The following ST6GALNAC5 variants were observed in gnomAD, a reference collection of about 807,000 sequenced individuals.
The protein encoded by ST6GALNAC5 is ST6 N-acetylgalactosaminide alpha-2,6-sialyltransferase 5, also known as alpha-N-acetylgalactosaminide alpha-2,6-sialyltransferase 5.
ST6GALNAC5 carries 27 observed loss-of-function variants against 33.6 expected under a neutral mutation model. The ratio of observed to expected loss-of-function variants is 0.80; its 90% CI spans 0.59 to 1.11. The LOEUF (loss-of-function observed/expected upper bound fraction) is 1.11, where lower values mean the gene tolerates loss of function less well. ST6GALNAC5 is among the 50% of genes least tolerant of loss of function. The pLI is 0.00. For synonymous variants in ST6GALNAC5, 194 were observed against 171.2 expected, an observed-to-expected ratio of 1.13 and a Z score of -1.04; for missense variants, 428 against 454.0, an observed-to-expected ratio of 0.94 and a Z score of 0.52.
intron 2 of ST6GALNAC5, among the ~76,000 whole-genome samples, chr1:76,975,732 G>A (rs1648983190): frequency 6.6e-6 from 1 of 152,170 alleles, no homozygotes; most frequent in Non-Finnish European, 1.5e-5. Flanking sequence ...TTAAATGATA[G>A]TGTTTAGGAA....
intron 2 of ST6GALNAC5, among the ~76,000 whole-genome samples, chr1:77,016,497 T>A (rs1488552615): frequency 6.6e-6 from 1 of 151,942 alleles, no homozygotes; most frequent in Non-Finnish European, 1.5e-5. Context: ...AAGTGCACAA[T>A]GGTCATTGCA....
intron 2 of ST6GALNAC5, among the ~76,000 whole-genome samples, chr1:76,896,490 G>A (rs1557713396): frequency 6.6e-6 from 1 of 152,178 alleles, no homozygotes; most frequent in Non-Finnish European, 1.5e-5. Flanking sequence ...CTATAGCATA[G>A]CCTGCCTTTG....
Position 76,868,586 on chromosome 1 carries a change from GC to G in ST6GALNAC5, c.110del (p.Pro37ArgfsTer53). The G allele has an allele frequency of 6.2e-7, 1 of 1,611,884 alleles. No homozygotes were observed. Among genetic ancestry groups the G allele is most frequent in the Non-Finnish European group, 8.5e-7 (1 of 1,179,516 alleles). ...GCAGCCTCGGCGGCCAGAAGGAGCG[GC>G]CCCCGCAGCAGCAGCAGCAGCAGCA... ...YSSLGGQKER[P>X]PQQQQQQQQQ... On this transcript the variant is annotated frameshift_variant, in exon 2 of 5. Transcript: ENST00000477717. LOFTEE classifies it high-confidence loss of function. The surrounding 1 kb of genome is among the most constrained non-coding windows in gnomAD (Gnocchi z 4.3).
At chr1:76,923,480 G>A (rs1204830212) in intron 2 of ST6GALNAC5, among the ~76,000 whole-genome samples, 1 of 151,996 alleles carries the variant, frequency 6.6e-6, no homozygotes, top group Non-Finnish European at 1.5e-5. Context: ...ATCACTTGAG[G>A]TCAGGAGTTC....
At chr1:76,970,807 G>A (rs1158194837) in intron 2 of ST6GALNAC5, among the ~76,000 whole-genome samples, 4 of 152,126 alleles carry the variant, frequency 2.6e-5, no homozygotes, top group Non-Finnish European at 2.9e-5. Context: ...AGAATCATGT[G>A]TTGCATGTAG....
At chr1:77,033,781 A>T (rs1651549195) in intron 2 of ST6GALNAC5, among the ~76,000 whole-genome samples, 1 of 152,190 alleles carries the variant, frequency 6.6e-6, no homozygotes, top group Non-Finnish European at 1.5e-5. Flanking sequence ...AGGAGAGGGA[A>T]ATCAGCCAGG....
intron 2 of ST6GALNAC5, among the ~76,000 whole-genome samples, chr1:76,966,809 G>C (rs1452508501): frequency 6.6e-6 from 1 of 152,178 alleles, no homozygotes; most frequent in Non-Finnish European, 1.5e-5. Context: ...TAGCATGAAG[G>C]CTGTTGAATT....
intron 2 of ST6GALNAC5, among the ~76,000 whole-genome samples, chr1:76,904,912 C>T (rs1055940148): frequency 6.6e-6 from 1 of 151,994 alleles, no homozygotes; most frequent in African/African-American, 2.4e-5. Context: ...TGAATCTATG[C>T]TGTAGGAAGA....
chr1:76,898,395 T>C (rs1646779016), intron 2 of ST6GALNAC5, among the ~76,000 whole-genome samples: 1 of 152,178 alleles, frequency 6.6e-6, no homozygotes, highest in Non-Finnish European at 1.5e-5. Context: ...TCTACTCTAT[T>C]ATTGTACACC....
At chr1:76,887,294 G>A (rs375239688) in intron 2 of ST6GALNAC5, among the ~76,000 whole-genome samples, 1 of 152,220 alleles carries the variant, frequency 6.6e-6, no homozygotes, top group South Asian at 2.1e-4. Flanking sequence ...CCACTTTGGT[G>A]TAAGTAATGA....
At chr1:76,934,789 G>C (rs767009403) in intron 2 of ST6GALNAC5, among the ~76,000 whole-genome samples, 2 of 151,952 alleles carry the variant, frequency 1.3e-5, no homozygotes, top group Non-Finnish European at 2.9e-5. Context: ...AGCAATCCTA[G>C]AGAAAAAGAA....
chr1:76,867,640 C>T lies in ST6GALNAC5; in HGVS notation c.-36C>T. 1 of 1,614,040 alleles carries T rather than the reference C, an allele frequency of 6.2e-7. No homozygotes were observed. Among genetic ancestry groups the T allele is most frequent in the Non-Finnish European group, 8.5e-7 (1 of 1,179,990 alleles). On this transcript the variant is annotated 5_prime_UTR_variant, in exon 1 of 5. The change creates a premature stop within an existing upstream ORF in the 5' untranslated region. Transcript: ENST00000477717. ...CCAGGAAAAAGTGGCCCCGGACGCG[C>T]GAGCCTGAGGATTCTGCACAAAAGA...
At chr1:76,997,197 C>G (rs1002045969) in intron 2 of ST6GALNAC5, among the ~76,000 whole-genome samples, 2 of 152,068 alleles carry the variant, frequency 1.3e-5, no homozygotes, top group African/African-American at 2.4e-5. Flanking sequence ...TGAGTAGAAA[C>G]TTGGGAAGTA....
At chr1:76,928,496 G>T (rs1037267639) in intron 2 of ST6GALNAC5, among the ~76,000 whole-genome samples, 2 of 152,044 alleles carry the variant, frequency 1.3e-5, no homozygotes, top group Admixed American at 1.3e-4. Context: ...TAGCACATTG[G>T]CTCCATTGCC....
At chr1:77,052,793 C>T (rs1652266558) in intron 4 of ST6GALNAC5, among the ~76,000 whole-genome samples, 1 of 151,484 alleles carries the variant, frequency 6.6e-6, no homozygotes, top group Non-Finnish European at 1.5e-5. Flanking sequence ...ATAGTGTGCA[C>T]CTGTAATCCC....
intron 2 of ST6GALNAC5, among the ~76,000 whole-genome samples, chr1:76,879,364 C>A (rs1405248761): frequency 1.3e-5 from 2 of 152,124 alleles, no homozygotes; most frequent in East Asian, 3.9e-4. Flanking sequence ...CAGAGTGGGC[C>A]CAAATCAATA....
intron 2 of ST6GALNAC5, among the ~76,000 whole-genome samples, chr1:76,873,190 A>T (rs1653549376): frequency 6.6e-6 from 1 of 152,106 alleles, no homozygotes; most frequent in Non-Finnish European, 1.5e-5. Context: ...CTCTTCCCCA[A>T]GGTCTTTTGC....
intron 2 of ST6GALNAC5, among the ~76,000 whole-genome samples, chr1:77,026,089 G>A (rs1320014460): frequency 1.3e-5 from 2 of 152,204 alleles, no homozygotes; most frequent in South Asian, 2.1e-4. Context: ...GGGTGACCTT[G>A]GGCAAGTTCC....
At chr1:77,013,402 T>C (rs546600025) in intron 2 of ST6GALNAC5, among the ~76,000 whole-genome samples, 32 of 152,364 alleles carry the variant, frequency 2.1e-4, no homozygotes, top group African/African-American at 7.7e-4. Flanking sequence ...TAATCAGGCA[T>C]GGGGCTAAAG....
Sources: gnomAD v4.1 joint callset for allele counts (sites outside exome capture counted in the v4.1 genomes callset) on GRCh38, gnomAD v4.1.1 for gene constraint, Gnocchi (gnomAD v3.1) non-coding constraint, MANE v1.5 for transcripts, NCBI Gene and HGNC (gene_info 2026-07-23, HGNC 2026-07-21) for gene names.